Variants in TSHR observed in about 807,000 individuals in gnomAD.
The protein encoded by TSHR is thyrotropin receptor.
In TSHR, 51 loss-of-function variants were observed where a neutral mutation model predicts 64.1. That is an observed-to-expected ratio of 0.80 (90% CI 0.64 to 1.01). TSHR has a LOEUF of 1.01. Ranked by LOEUF, TSHR falls within the 50% of genes least tolerant of loss-of-function variation. The pLI, the probability that TSHR is intolerant of heterozygous loss-of-function variation, is 0.00. For synonymous variants in TSHR, 361 were observed against 361.9 expected (o/e 1.00, Z 0.03); for missense variants, 877 against 942.8 (o/e 0.93, Z 0.91).
chr14:80,961,677 T>TG (rs965602464), intron 1 of TSHR, among the ~76,000 whole-genome samples: 6 of 152,164 alleles, frequency 3.9e-5, no homozygotes, highest in African/African-American at 1.4e-4. Context: ...AAACAGTTAA[T>TG]GGGGGTAGCT....
chr14:80,987,516 A>C (rs1009991271), intron 1 of TSHR, among the ~76,000 whole-genome samples: 1 of 152,224 alleles, frequency 6.6e-6, no homozygotes, highest in African/African-American at 2.4e-5. Context: ...AAAAATTAAA[A>C]AACAAAACAT....
intron 1 of TSHR, among the ~76,000 whole-genome samples, chr14:80,999,788 G>A (rs1276566118): frequency 6.6e-6 from 1 of 152,090 alleles, no homozygotes; most frequent in Non-Finnish European, 1.5e-5. Context: ...TGTTAGACCA[G>A]TAATTTTAGT....
At chr14:81,091,011 G>T in intron 4 of TSHR, 58 bp from the exon 5 acceptor site, 1 of 1,413,712 alleles carries the variant, frequency 7.1e-7, no homozygotes, top group Non-Finnish European at 9.9e-7. Flanking sequence ...TCCTTCCTAT[G>T]TGTTGATTTT....
intron 1 of TSHR, among the ~76,000 whole-genome samples, chr14:81,061,426 A>T (rs1886230228): frequency 6.6e-6 from 1 of 152,178 alleles, no homozygotes; most frequent in Non-Finnish European, 1.5e-5. Context: ...GGATAAAGAA[A>T]ATGTGGTACA....
At chr14:81,039,087 C>G (rs761525204) in intron 1 of TSHR, among the ~76,000 whole-genome samples, 2 of 151,630 alleles carry the variant, frequency 1.3e-5, no homozygotes, top group South Asian at 4.2e-4. Context: ...AAGGACACAA[C>G]AAAGAAAGAA....
chr14:81,103,327 CA>C lies in TSHR; in HGVS notation c.615-5046del, dbSNP rs1889700445. ...TCAAGGATTTCACATGGCATGTTAG[CA>C]ATTTGGTAATTTCTCCAGAAGTTTG... is the stretch of plus-strand genomic sequence containing the variant. On this transcript the variant is annotated intron_variant, in intron 7 of 9. Coordinates refer to ENST00000298171, the MANE Select transcript of TSHR (RefSeq NM_000369.5). The surrounding 1 kb of genome is among the most constrained non-coding windows in gnomAD (Gnocchi z 4.1). The C allele has an allele frequency of 1.0e-6, 1 of 985,228 alleles. No homozygotes were observed. Among genetic ancestry groups the C allele is most frequent in the Non-Finnish European group, 1.2e-6 (1 of 829,904 alleles). 61.0% of individuals were successfully genotyped at this position (985,228 alleles called of 1,614,324 possible).
At chr14:81,084,447 C>T (rs1172978068) in intron 3 of TSHR, among the ~76,000 whole-genome samples, 3 of 152,072 alleles carry the variant, frequency 2.0e-5, no homozygotes, top group African/African-American at 7.2e-5. Context: ...GAACAGAGTA[C>T]TCTATATTTT....
At position 81,079,860 on chromosome 14, in the gene TSHR, G is replaced by GA. The variant is rs11315908; in HGVS notation, c.318-8078dup. Reference sequence around the variant, plus strand: ...ACAGAATGAGACCCCTAGCTCAAAAGAAAAAAAAAAAAAAAAGCAAAGAAA... The same window carrying GA: ...ACAGAATGAGACCCCTAGCTCAAAAGAAAAAAAAAAAAAAAAAGCAAAGAAA... On this transcript the variant is annotated intron_variant, in intron 3 of 9. Transcript: ENST00000298171. 4.1e-3 allele frequency among the ~76,000 whole-genome samples: 370 copies of GA among 89,596 alleles called. 3 individuals are homozygous for GA. The highest frequency in any genetic ancestry group is 6.2e-3 in the Middle Eastern group (1 of 162). 58.8% of individuals were successfully genotyped at this position (89,596 alleles called of 152,430 possible).
At chr14:81,072,746 G>A (rs956732203) in intron 3 of TSHR, among the ~76,000 whole-genome samples, 11 of 149,846 alleles carry the variant, frequency 7.3e-5, no homozygotes, top group African/African-American at 1.8e-4. Context: ...GGTTGAAAGT[G>A]AAAAGCTTTG....
At chr14:81,030,863 A>G (rs1953265805) in intron 1 of TSHR, among the ~76,000 whole-genome samples, 1 of 152,196 alleles carries the variant, frequency 6.6e-6, no homozygotes, top group African/African-American at 2.4e-5. Flanking sequence ...CATTCTGAAT[A>G]TAGCACACAT....
At chr14:81,010,119 A>C (rs950113938) in intron 1 of TSHR, among the ~76,000 whole-genome samples, 1 of 151,954 alleles carries the variant, frequency 6.6e-6, no homozygotes, top group African/African-American at 2.4e-5. Context: ...AGCATTTTTC[A>C]TGCTTTTTCT....
intron 1 of TSHR, among the ~76,000 whole-genome samples, chr14:81,060,868 A>G (rs1886185566): frequency 6.6e-6 from 1 of 152,154 alleles, no homozygotes; most frequent in Admixed American, 6.6e-5. Context: ...TTTCCATACA[A>G]GATTCTCAAG....
At chr14:80,997,993 T>C (rs1456695290) in intron 1 of TSHR, among the ~76,000 whole-genome samples, 1 of 152,218 alleles carries the variant, frequency 6.6e-6, no homozygotes. Flanking sequence ...ATTTGGGACT[T>C]GGAAGCATTC....
chr14:81,023,650 CA>C (rs749312227), intron 1 of TSHR, among the ~76,000 whole-genome samples: 8 of 152,100 alleles, frequency 5.3e-5, no homozygotes, highest in Non-Finnish European at 1.2e-4. Flanking sequence ...ACTTGAGGGA[CA>C]AAGCATAAAT....
intron 8 of TSHR, chr14:81,108,700 C>G: frequency 6.2e-7 from 1 of 1,613,632 alleles, no homozygotes; most frequent in Non-Finnish European, 8.5e-7. Context: ...AAGGCAGCCA[C>G]CTTGGTGTAC....
chr14:81,141,182 A>G (rs1299736482), intron 9 of TSHR, among the ~76,000 whole-genome samples: 1 of 152,244 alleles, frequency 6.6e-6, no homozygotes, highest in Non-Finnish European at 1.5e-5. Context: ...TATGGGCATC[A>G]TAGCTGCAAA....
In TSHR at chr14:81,087,991, C is replaced by G; in HGVS notation, c.355C>G (p.Pro119Ala). 1.2e-6 allele frequency: 2 copies of G among 1,613,746 alleles called. No individual in the cohort carries two copies. The highest frequency in any genetic ancestry group is 1.7e-6 in the Non-Finnish European group (2 of 1,179,812). The change falls in exon 4 of 10, where the codon CCT becomes GCT. Residue 119 changes from proline (P) to alanine (A), a missense_variant. Physicochemically the swap from Pro to Ala is conservative, Grantham distance 27. Transcript: ENST00000298171. ...RNTRNLTYID[P>A]DALKELPLLK... ...TACCAGGAACTTAACTTACATAGAC[C>G]CTGATGCCCTCAAAGAGCTCCCCCT...
intron 3 of TSHR, among the ~76,000 whole-genome samples, chr14:81,083,843 A>G (rs1173086528): frequency 1.3e-5 from 2 of 152,164 alleles, no homozygotes; most frequent in Admixed American, 6.5e-5. Flanking sequence ...TACAATAATG[A>G]CAGAAGGGGA....
In TSHR at chr14:81,083,678, G is replaced by GA. The variant is rs553463725; in HGVS notation, c.318-4268dup. On this transcript the variant is annotated intron_variant, in intron 3 of 9. Coordinates refer to ENST00000298171, the MANE Select transcript of TSHR (RefSeq NM_000369.5). The stretch of plus-strand genomic sequence containing the variant: ...AGGAAATTCACACCCTCCCTCAGGT[G>GA]AAAAAAAAGTACACTGTTTCTTTTT... Among the ~76,000 whole-genome samples the GA allele has an allele frequency of 1.6e-3, 246 of 151,832 alleles. 1 individual carries two copies. The highest frequency in any genetic ancestry group is 3.4e-3 in the Middle Eastern group (1 of 294).
Sources: gnomAD v4.1 joint callset for allele counts (sites outside exome capture counted in the v4.1 genomes callset) on GRCh38, gnomAD v4.1.1 for gene constraint, Gnocchi (gnomAD v3.1) non-coding constraint, MANE v1.5 for transcripts, NCBI Gene and HGNC (gene_info 2026-07-23, HGNC 2026-07-21) for gene names.